Variants in ANKS1B observed in about 807,000 individuals in gnomAD.
ANKS1B encodes the protein ankyrin repeat and sterile alpha motif domain-containing protein 1B.
In ANKS1B, 36 loss-of-function variants were observed where a neutral mutation model predicts 148.3. That is an observed-to-expected ratio of 0.24 (90% CI 0.19 to 0.32). The LOEUF is 0.32. Among genes scored for constraint, ANKS1B ranks in the 10% least tolerant of loss-of-function variants. ANKS1B has a pLI of 1.00. For synonymous variants in ANKS1B, 542 were observed against 560.8 expected, an observed-to-expected ratio of 0.97 and a Z score of 0.47; for missense variants, 1,157 against 1,542.6, an observed-to-expected ratio of 0.75 and a Z score of 4.19.
At chr12:98,947,409 AG>A (rs60097513) in intron 17 of ANKS1B, among the ~76,000 whole-genome samples, 20,163 of 152,096 alleles carry the variant, frequency 0.13, 1,801 homozygotes, top group African/African-American at 0.24. Context: ...TATGTTCTGA[AG>A]GCAGAGCCAA....
intron 17 of ANKS1B, among the ~76,000 whole-genome samples, chr12:98,967,946 C>A (rs1347141204): frequency 5.3e-5 from 8 of 152,038 alleles, no homozygotes. Flanking sequence ...AGAAGGGCAT[C>A]ATCACACTCT....
At chr12:99,599,740 G>A (rs578092459) in intron 9 of ANKS1B, among the ~76,000 whole-genome samples, 1 of 152,096 alleles carries the variant, frequency 6.6e-6, no homozygotes, top group African/African-American at 2.4e-5. Context: ...ACCATAGGAG[G>A]TACTAAAGGC....
intron 17 of ANKS1B, among the ~76,000 whole-genome samples, chr12:98,996,738 G>A (rs370823019): frequency 1.7e-3 from 255 of 148,990 alleles, no homozygotes; most frequent in South Asian, 0.016. Context: ...GCATGAACCC[G>A]GGAGGCGGAG....
intron 1 of ANKS1B, among the ~76,000 whole-genome samples, chr12:99,838,038 ACTTT>A (rs1565831328): frequency 6.6e-6 from 1 of 152,136 alleles, no homozygotes; most frequent in East Asian, 1.9e-4. Context: ...GTGGTATTTG[ACTTT>A]CTAAGTTCTT....
At position 99,098,520 on chromosome 12, in the gene ANKS1B, T is replaced by A. The variant is rs552848190; in HGVS notation, c.2527-13497A>T. ...GTCCGTACAATGGGGATAACACTAA[T>A]GCTTATCTTTTAAGGATATGGTGAC... On this transcript the variant is annotated intron_variant, in intron 15 of 26. Coordinates refer to ENST00000683438, the MANE Select transcript of ANKS1B (RefSeq NM_001352186.2). 5.3e-5 allele frequency among the ~76,000 whole-genome samples: 8 copies of A among 151,668 alleles called. No individual in the cohort carries two copies. In the South Asian group the frequency reaches 1.7e-3, roughly 32 times the overall value.
chr12:99,254,881 A>G (rs2075072887), intron 12 of ANKS1B, among the ~76,000 whole-genome samples: 1 of 152,212 alleles, frequency 6.6e-6, no homozygotes, highest in African/African-American at 2.4e-5. Flanking sequence ...GGTCATAATG[A>G]ACTTTCTTTT....
At chr12:99,502,654 G>A (rs2096666908) in intron 10 of ANKS1B, among the ~76,000 whole-genome samples, 1 of 152,056 alleles carries the variant, frequency 6.6e-6, no homozygotes. Flanking sequence ...ATGTTTCAAT[G>A]CCTCAGTTTC....
intron 12 of ANKS1B, among the ~76,000 whole-genome samples, chr12:99,327,021 A>G (rs2086445148): frequency 7.4e-6 from 1 of 134,434 alleles, no homozygotes; most frequent in Non-Finnish European, 1.5e-5. Flanking sequence ...ATATTATATT[A>G]TAATAAATAT....
chr12:98,771,165 A>G (rs1432936078), intron 25 of ANKS1B, among the ~76,000 whole-genome samples: 1 of 152,118 alleles, frequency 6.6e-6, no homozygotes, highest in Non-Finnish European at 1.5e-5. Context: ...TAAGGATGTC[A>G]TTACAAGACC....
intron 8 of ANKS1B, among the ~76,000 whole-genome samples, chr12:99,717,466 G>A (rs1236828372): frequency 1.3e-5 from 2 of 152,184 alleles, no homozygotes; most frequent in Non-Finnish European, 2.9e-5. Context: ...TGCTACAAGT[G>A]CCAGAAATCT....
At chr12:98,949,681 T>C (rs1437538964) in intron 17 of ANKS1B, 1 of 152,222 alleles carries the variant, frequency 6.6e-6, no homozygotes, top group Non-Finnish European at 1.5e-5. Context: ...ATCAGAAGCA[T>C]CAATTAAATG....
At chr12:99,537,639 T>A (rs1315038673) in intron 9 of ANKS1B, among the ~76,000 whole-genome samples, 1 of 152,226 alleles carries the variant, frequency 6.6e-6, no homozygotes, top group Admixed American at 6.5e-5. Context: ...TCGCACACTC[T>A]ATATATTCTG....
At chr12:99,355,381 A>T (rs965087920) in intron 12 of ANKS1B, among the ~76,000 whole-genome samples, 6 of 152,134 alleles carry the variant, frequency 3.9e-5, no homozygotes, top group African/African-American at 1.4e-4. Context: ...TTGCAGTCTT[A>T]TTCATTGTTT....
In ANKS1B at chr12:99,399,566, C is replaced by A. The variant is rs545229704; in HGVS notation, c.1756+65G>T. The A allele has an allele frequency of 6.7e-5, 103 of 1,540,708 alleles. No homozygotes were observed. In the African/African-American group the frequency reaches 1.3e-3, roughly 20 times the overall value. On this transcript the variant is annotated intron_variant, in intron 12 of 26. Transcript: ENST00000683438. ...ATTTGTACGAAGACTCCTCCTAATT[C>A]CTCTAACTCATAAATACTTCAGTCT...
chr12:98,910,331 A>T (rs1445114199), intron 17 of ANKS1B, among the ~76,000 whole-genome samples: 1 of 152,214 alleles, frequency 6.6e-6, no homozygotes, highest in Non-Finnish European at 1.5e-5. Context: ...CAGACATTCA[A>T]TACATGTTTG....
chr12:99,501,138 T>C (rs2096651539), intron 10 of ANKS1B, among the ~76,000 whole-genome samples: 1 of 152,108 alleles, frequency 6.6e-6, no homozygotes, highest in African/African-American at 2.4e-5. Flanking sequence ...TTAGTTTCTA[T>C]TCCCAAAAAA....
intron 12 of ANKS1B, among the ~76,000 whole-genome samples, chr12:99,312,683 A>C: frequency 6.6e-6 from 1 of 152,184 alleles, no homozygotes; most frequent in East Asian, 1.9e-4. Flanking sequence ...TTTTTACCAC[A>C]GACAAGTCAA....
At chr12:99,462,134 A>G (rs543628693) in intron 10 of ANKS1B, among the ~76,000 whole-genome samples, 8 of 152,312 alleles carry the variant, frequency 5.3e-5, no homozygotes, top group South Asian at 2.1e-4. Flanking sequence ...TGACACTTTA[A>G]TGTACCACCC....
chr12:99,970,366 A>C (rs1200665095), intron 1 of ANKS1B, among the ~76,000 whole-genome samples: 1 of 152,194 alleles, frequency 6.6e-6, no homozygotes, highest in African/African-American at 2.4e-5. Flanking sequence ...CCTTAAGTGA[A>C]AAATTCAGGA....
Sources: gnomAD v4.1 joint callset for allele counts (sites outside exome capture counted in the v4.1 genomes callset) on GRCh38, gnomAD v4.1.1 for gene constraint, MANE v1.5 for transcripts, NCBI Gene and HGNC (gene_info 2026-07-23, HGNC 2026-07-21) for gene names.